Variants in CCSER1 observed in about 807,000 individuals in gnomAD.
CCSER1 encodes serine-rich coiled-coil domain-containing protein 1.
In CCSER1, 41 loss-of-function variants were observed where a neutral mutation model predicts 82.0. The observed-to-expected ratio is 0.50, with a 90% confidence interval of 0.39 to 0.65. CCSER1 has a LOEUF of 0.65. Among genes scored for constraint, CCSER1 ranks in the 30% least tolerant of loss-of-function variants. The probability of loss-of-function intolerance (pLI) is 0.00; values close to 1 mark genes in which losing one functional copy is unlikely to be tolerated. For missense variants in CCSER1, 1,119 were observed against 1,064.2 expected, an observed-to-expected ratio of 1.05 and a Z score of -0.72; for synonymous variants, 414 against 383.9, an observed-to-expected ratio of 1.08 and a Z score of -0.92.
chr4:91,409,873 G>A (rs1248594045), intron 10 of CCSER1, among the ~76,000 whole-genome samples: 1 of 152,090 alleles, frequency 6.6e-6, no homozygotes, highest in African/African-American at 2.4e-5. Flanking sequence ...AGTAGAGACA[G>A]GTTTTCACCA....
chr4:90,789,516 T>A (rs1754954055), intron 7 of CCSER1, among the ~76,000 whole-genome samples: 1 of 152,156 alleles, frequency 6.6e-6, no homozygotes, highest in Non-Finnish European at 1.5e-5. Context: ...TTTGGCTCTG[T>A]CCCCACCCAA....
intron 7 of CCSER1, among the ~76,000 whole-genome samples, chr4:90,759,901 A>G (rs1750162290): frequency 6.6e-6 from 1 of 152,172 alleles, no homozygotes; most frequent in African/African-American, 2.4e-5. Context: ...TGACTTACAG[A>G]AAATTGTATA....
chr4:90,484,246 T>C (rs1766600795), intron 5 of CCSER1, among the ~76,000 whole-genome samples: 1 of 152,150 alleles, frequency 6.6e-6, no homozygotes, highest in Non-Finnish European at 1.5e-5. Context: ...GACTTCTCTG[T>C]GTTTGTTATT....
intron 1 of CCSER1, among the ~76,000 whole-genome samples, chr4:90,199,119 C>T (rs1178188894): frequency 6.6e-6 from 1 of 152,114 alleles, no homozygotes; most frequent in East Asian, 1.9e-4. Context: ...CCCAGCTGGT[C>T]AGCAGTCTTT....
intron 1 of CCSER1, among the ~76,000 whole-genome samples, chr4:90,307,671 A>C (rs936431555): frequency 6.6e-6 from 1 of 152,074 alleles, no homozygotes; most frequent in Non-Finnish European, 1.5e-5. Context: ...AAGAGAAGAA[A>C]AAAAGTCTAT....
rs1015589447 is a variant in CCSER1 at position 90,127,399 on chromosome 4, C to T, written c.-474C>T. Reference sequence around the variant, plus strand: ...CGCTTGGGCCCGCCCTCCTCACAGCCCCGGAGCGCGGCCTGCCGGGGAGGT... The same window carrying T: ...CGCTTGGGCCCGCCCTCCTCACAGCTCCGGAGCGCGGCCTGCCGGGGAGGT... On this transcript the variant is annotated 5_prime_UTR_variant, in exon 1 of 11. Coordinates refer to ENST00000509176, the MANE Select transcript of CCSER1 (RefSeq NM_001145065.2). 6.6e-6 allele frequency: 1 copy of T among 152,334 alleles called. No individual in the cohort carries two copies. The highest frequency in any genetic ancestry group is 1.5e-5 in the Non-Finnish European group (1 of 68,152). The allele number at this position is 152,334 out of a possible 1,614,324, so 9.4% of individuals were successfully genotyped here.
intron 3 of CCSER1, among the ~76,000 whole-genome samples, chr4:90,384,466 A>G (rs979503156): frequency 1.3e-5 from 2 of 152,018 alleles, no homozygotes; most frequent in African/African-American, 2.4e-5. Flanking sequence ...TTTTAAAACA[A>G]TGTATGCCTT....
intron 10 of CCSER1, among the ~76,000 whole-genome samples, chr4:91,316,089 G>T (rs540255731): frequency 6.6e-6 from 1 of 151,846 alleles, no homozygotes; most frequent in African/African-American, 2.4e-5. Flanking sequence ...CTTGCCTGCC[G>T]CCATGTAGGA....
At chr4:90,939,635 CT>C (rs1395166597) in intron 9 of CCSER1, among the ~76,000 whole-genome samples, 1 of 152,112 alleles carries the variant, frequency 6.6e-6, no homozygotes, top group Non-Finnish European at 1.5e-5. Flanking sequence ...AGAGTTCTAC[CT>C]GTTGGGCAAA....
intron 5 of CCSER1, among the ~76,000 whole-genome samples, chr4:90,569,732 GCT>G (rs1779880940): frequency 6.6e-6 from 1 of 152,166 alleles, no homozygotes; most frequent in African/African-American, 2.4e-5. Flanking sequence ...ATCTCTCAAG[GCT>G]CTCCATCTTG....
At chr4:90,915,980 G>T (rs1727325231) in intron 8 of CCSER1, among the ~76,000 whole-genome samples, 1 of 152,108 alleles carries the variant, frequency 6.6e-6, no homozygotes. Context: ...CCTCTTCAAG[G>T]AGAACTTCAA....
intron 10 of CCSER1, among the ~76,000 whole-genome samples, chr4:91,268,000 T>A (rs759236398): frequency 9.9e-5 from 15 of 152,128 alleles, no homozygotes; most frequent in Non-Finnish European, 2.2e-4. Context: ...AAAGAATAAT[T>A]TTCAAGAGGA....
intron 10 of CCSER1, among the ~76,000 whole-genome samples, chr4:91,591,525 G>C (rs911153785): frequency 3.3e-5 from 5 of 152,036 alleles, no homozygotes; most frequent in African/African-American, 1.2e-4. Context: ...CAGTCTCCAA[G>C]CAACTAGACC....
chr4:90,945,422 G>C (rs993174147), intron 9 of CCSER1, among the ~76,000 whole-genome samples: 14 of 151,748 alleles, frequency 9.2e-5, no homozygotes, highest in African/African-American at 3.4e-4. Context: ...ATATTTTATT[G>C]AATATAATTG....
chr4:90,539,272 G>A (rs1267350437), intron 5 of CCSER1, among the ~76,000 whole-genome samples: 2 of 151,656 alleles, frequency 1.3e-5, no homozygotes, highest in East Asian at 1.9e-4. Flanking sequence ...ATGAGTGTAG[G>A]TCATGAAAAT....
In CCSER1 at chr4:90,966,397, G is replaced by A. The variant is rs966854263; in HGVS notation, c.2172+42950G>A. ...CAAAAGTCTCCTCAAAAAGATGGCTGACTTCTTATCAAAAGCAGGGAGGCC... is the reference window on the plus strand; with the variant it reads ...CAAAAGTCTCCTCAAAAAGATGGCTAACTTCTTATCAAAAGCAGGGAGGCC... On this transcript the variant is annotated intron_variant, in intron 9 of 10. Coordinates refer to ENST00000509176, the MANE Select transcript of CCSER1 (RefSeq NM_001145065.2). Among the ~76,000 whole-genome samples, 3 of 152,066 alleles carry A rather than the reference G, an allele frequency of 2.0e-5. 1 individual carries two copies. The highest frequency in any genetic ancestry group is 7.3e-5 in the African/African-American group (3 of 41,360).
At chr4:91,303,933 T>A (rs1367154400) in intron 10 of CCSER1, among the ~76,000 whole-genome samples, 3 of 152,048 alleles carry the variant, frequency 2.0e-5, no homozygotes, top group Admixed American at 2.0e-4. Context: ...TAGAGTCTAA[T>A]ACAGATCTGA....
At position 91,363,504 on chromosome 4, in the gene CCSER1, C is replaced by G. The variant is rs553184110; in HGVS notation, c.2218-235068C>G. Reference sequence around the variant, plus strand: ...ACTAAACTGGCTTGTCAAGGAATAACTGAAACACAAGGAGAAGGCAGCTGT... The same window carrying G: ...ACTAAACTGGCTTGTCAAGGAATAAGTGAAACACAAGGAGAAGGCAGCTGT... On this transcript the variant is annotated intron_variant, in intron 10 of 10. Transcript: ENST00000509176. Among the ~76,000 whole-genome samples, 12 of 151,706 alleles carry G rather than the reference C, an allele frequency of 7.9e-5. No individual in the cohort carries two copies. In the East Asian group the frequency reaches 1.7e-3, roughly 22 times the overall value.
chr4:90,358,605 T>C (rs1299192056), intron 3 of CCSER1, among the ~76,000 whole-genome samples: 2 of 152,190 alleles, frequency 1.3e-5, no homozygotes, highest in Non-Finnish European at 2.9e-5. Context: ...TGATATTTTA[T>C]GTGGTCTTGC....
Sources: allele counts gnomAD v4.1 joint callset (sites outside exome capture counted in the v4.1 genomes callset), GRCh38; gene constraint gnomAD v4.1.1; transcripts MANE v1.5; gene names NCBI Gene and HGNC (gene_info 2026-07-23, HGNC 2026-07-21).